Variants in CDH4 observed in about 807,000 individuals in gnomAD.
The protein encoded by CDH4 is cadherin-4.
Under a neutral mutation model 86.0 loss-of-function variants are expected in CDH4, and 33 were observed. The observed-to-expected ratio is 0.38, with a 90% CI of 0.29 to 0.51. The LOEUF is 0.51. Among genes scored for constraint, CDH4 ranks in the 20% least tolerant of loss-of-function variants. CDH4 has a pLI of 0.86. For synonymous variants in CDH4, 555 were observed against 549.4 expected (o/e 1.01, Z -0.14); for missense variants, 1,114 against 1,307.4 (o/e 0.85, Z 2.28).
At chr20:61,318,075 G>T (rs1207577922) in intron 2 of CDH4, among the ~76,000 whole-genome samples, 6 of 152,160 alleles carry the variant, frequency 3.9e-5, no homozygotes, top group African/African-American at 7.2e-5. Context: ...CGTCCCGGCT[G>T]GAGGGACACT....
intron 2 of CDH4, among the ~76,000 whole-genome samples, chr20:61,728,384 A>G (rs2088139676): frequency 6.6e-6 from 1 of 152,154 alleles, no homozygotes; most frequent in Admixed American, 6.5e-5. Flanking sequence ...CCTTATTCTC[A>G]TCCTTCCATC....
intron 2 of CDH4, among the ~76,000 whole-genome samples, chr20:61,734,132 C>T (rs773044854): frequency 2.0e-4 from 31 of 152,236 alleles, no homozygotes; most frequent in Non-Finnish European, 2.2e-4. Flanking sequence ...GATGCCGAGT[C>T]TCCACAGAGG....
chr20:61,402,299 A>C lies in CDH4; in HGVS notation c.169+147362A>C, dbSNP rs189818609. On this transcript the variant is annotated intron_variant, in intron 2 of 15. Transcript: ENST00000614565. Reference sequence around the variant, plus strand: ...CACCTCTAGGTTACTTATAATACCAAATGCAATGTAAATGCTATGTAAATA... The same window carrying C: ...CACCTCTAGGTTACTTATAATACCACATGCAATGTAAATGCTATGTAAATA... Among the ~76,000 whole-genome samples, 193 of 152,326 alleles carry C rather than the reference A, an allele frequency of 1.3e-3. 1 individual carries two copies. Among genetic ancestry groups the C allele is most frequent in the African/African-American group, 4.5e-3 (189 of 41,576 alleles).
At chr20:61,834,066 ATGGC>A (rs766614896) in intron 4 of CDH4, among the ~76,000 whole-genome samples, 125 of 152,282 alleles carry the variant, frequency 8.2e-4, no homozygotes, top group Non-Finnish European at 1.6e-3. Flanking sequence ...GTGGGGTCCC[ATGGC>A]TGTCCTGGGG....
intron 2 of CDH4, among the ~76,000 whole-genome samples, chr20:61,535,782 C>G (rs1047076946): frequency 3.3e-5 from 5 of 151,974 alleles, no homozygotes; most frequent in Non-Finnish European, 2.9e-5. Flanking sequence ...CTGTACTCGC[C>G]CCTGAGCCGC....
At chr20:61,917,194 G>A (rs931090545) in intron 9 of CDH4, among the ~76,000 whole-genome samples, 5 of 152,142 alleles carry the variant, frequency 3.3e-5, no homozygotes, top group Admixed American at 2.0e-4. Context: ...TGAGGAATGC[G>A]CCTTGCCACC....
At chr20:61,861,997 C>G (rs913021360) in intron 6 of CDH4, among the ~76,000 whole-genome samples, 6 of 152,218 alleles carry the variant, frequency 3.9e-5, no homozygotes, top group Admixed American at 2.0e-4. Context: ...GCAAACGTCC[C>G]AGGCCACTGT....
intron 3 of CDH4, among the ~76,000 whole-genome samples, chr20:61,762,531 G>A (rs553925496): frequency 8.5e-5 from 13 of 152,178 alleles, no homozygotes; most frequent in Admixed American, 2.0e-4. Flanking sequence ...TTCCCAGCTC[G>A]GGGCTGTTGC....
chr20:61,859,700 T>C (rs949094987), intron 6 of CDH4, among the ~76,000 whole-genome samples: 7 of 152,268 alleles, frequency 4.6e-5, no homozygotes, highest in South Asian at 2.1e-4. Context: ...AGGACATCCA[T>C]TGGGCACATT....
intron 15 of CDH4, 63 bp from the exon 16 acceptor site, chr20:61,936,674 C>T (rs572023524): frequency 4.4e-6 from 6 of 1,363,100 alleles, no homozygotes; most frequent in Non-Finnish European, 5.8e-6. Flanking sequence ...GCTTTCCGTT[C>T]CATCTGATCC....
intron 4 of CDH4, among the ~76,000 whole-genome samples, chr20:61,783,388 TA>T (rs1258767179): frequency 1.3e-5 from 2 of 152,218 alleles, no homozygotes; most frequent in Non-Finnish European, 2.9e-5. Flanking sequence ...TAAATACAGC[TA>T]AAGTGACATC....
At position 61,886,732 on chromosome 20, in the gene CDH4, C is replaced by G. The variant is rs376905508; in HGVS notation, c.1051-8178C>G. Among the ~76,000 whole-genome samples, 167 of 152,320 alleles carry G rather than the reference C, an allele frequency of 1.1e-3. 5 individuals are homozygous for G. The South Asian group carries it at 0.032, about 29-fold the overall frequency. On this transcript the variant is annotated intron_variant, in intron 7 of 15. Transcript: ENST00000614565. Reference sequence around the variant, plus strand: ...TGCTGGCCTCCAGAGCACTCACCAGCCCCTGACCTCAGGGAAGTCCCAGGC... The same window carrying G: ...TGCTGGCCTCCAGAGCACTCACCAGGCCCTGACCTCAGGGAAGTCCCAGGC...
At chr20:61,812,020 T>C (rs552975815) in intron 4 of CDH4, among the ~76,000 whole-genome samples, 19 of 152,040 alleles carry the variant, frequency 1.2e-4, no homozygotes, top group Admixed American at 4.6e-4. Flanking sequence ...TGAGGCCCTG[T>C]GTGGTTTTCC....
At chr20:61,507,784 C>T (rs1487144282) in intron 2 of CDH4, among the ~76,000 whole-genome samples, 1 of 152,104 alleles carries the variant, frequency 6.6e-6, no homozygotes, top group Non-Finnish European at 1.5e-5. Flanking sequence ...CTCTGGACTT[C>T]ATTAATAACA....
intron 2 of CDH4, among the ~76,000 whole-genome samples, chr20:61,603,634 C>G (rs1037020601): frequency 6.6e-6 from 1 of 152,180 alleles, no homozygotes; most frequent in Non-Finnish European, 1.5e-5. Flanking sequence ...ATGCCCACCC[C>G]GTCTGCCCAG....
At chr20:61,705,107 T>C (rs1023183013) in intron 2 of CDH4, among the ~76,000 whole-genome samples, 1 of 152,246 alleles carries the variant, frequency 6.6e-6, no homozygotes, top group Non-Finnish European at 1.5e-5. Flanking sequence ...GGCATGTCCC[T>C]CTTTAGGACA....
intron 4 of CDH4, among the ~76,000 whole-genome samples, chr20:61,812,272 C>T (rs1175921425): frequency 6.6e-6 from 1 of 152,144 alleles, no homozygotes. Context: ...GGTCTCAGCC[C>T]CATCCCTGCC....
intron 2 of CDH4, among the ~76,000 whole-genome samples, chr20:61,607,868 C>T (rs1217738023): frequency 1.3e-5 from 2 of 152,224 alleles, no homozygotes; most frequent in Non-Finnish European, 1.5e-5. Context: ...GTTGTATGGA[C>T]AGTTTGGAAC....
chr20:61,546,586 AG>A (rs1249940291), intron 2 of CDH4, among the ~76,000 whole-genome samples: 3 of 151,062 alleles, frequency 2.0e-5, no homozygotes, highest in Non-Finnish European at 4.4e-5. Flanking sequence ...CAGGGCAGGG[AG>A]GGGGGTGTGT....
Sources: gnomAD v4.1 joint callset for allele counts (sites outside exome capture counted in the v4.1 genomes callset) on GRCh38, gnomAD v4.1.1 for gene constraint, MANE v1.5 for transcripts, NCBI Gene and HGNC (gene_info 2026-07-23, HGNC 2026-07-21) for gene names.